ADAMTSL1: variants seen among roughly 807,000 people sequenced by gnomAD.
The protein encoded by ADAMTSL1 is ADAMTS like 1.
A neutral mutation model predicts 201.8 loss-of-function variants in ADAMTSL1; 126 were observed. The ratio of observed to expected loss-of-function variants is 0.62; its 90% CI spans 0.54 to 0.72. The LOEUF (loss-of-function observed/expected upper bound fraction) is 0.72. Among genes scored for constraint, ADAMTSL1 ranks in the 30% least tolerant of loss-of-function variants. ADAMTSL1 has a pLI of 0.00. For synonymous variants in ADAMTSL1, 1,121 were observed against 903.4 expected (o/e 1.24, Z -4.32); for missense variants, 2,679 against 2,277.8 (o/e 1.18, Z -3.59).
At chr9:18,890,789 C>T (rs976469208) in intron 25 of ADAMTSL1, 7 of 346,732 alleles carry the variant, frequency 2.0e-5, no homozygotes, top group Non-Finnish European at 4.0e-5. Flanking sequence ...GATGGAAATG[C>T]AGGCCTGACA....
chr9:18,296,217 C>T (rs183951970), intron 2 of ADAMTSL1, among the ~76,000 whole-genome samples: 1 of 152,066 alleles, frequency 6.6e-6, no homozygotes, highest in Non-Finnish European at 1.5e-5. Flanking sequence ...AAAAAGCAAA[C>T]AAACAAAACA....
At chr9:18,378,813 G>T (rs1227523435) in intron 2 of ADAMTSL1, among the ~76,000 whole-genome samples, 1 of 148,488 alleles carries the variant, frequency 6.7e-6, no homozygotes, top group Non-Finnish European at 1.5e-5. Context: ...GTAGTTTTTT[G>T]TTGTTGTTTG....
At chr9:18,491,669 A>G (rs1822278140) in intron 1 of ADAMTSL1, among the ~76,000 whole-genome samples, 1 of 152,234 alleles carries the variant, frequency 6.6e-6, no homozygotes. Flanking sequence ...TCCTTCCCAT[A>G]TATACAATAT....
intron 2 of ADAMTSL1, among the ~76,000 whole-genome samples, chr9:18,214,713 C>A (rs1427315152): frequency 6.6e-6 from 1 of 151,834 alleles, no homozygotes. Context: ...TCATAAAAAC[C>A]CAGAAGTATC....
At chr9:18,122,513 G>T (rs1227627038) in intron 1 of ADAMTSL1, among the ~76,000 whole-genome samples, 1 of 152,058 alleles carries the variant, frequency 6.6e-6, no homozygotes, top group East Asian at 1.9e-4. Flanking sequence ...TTTTTTAGCT[G>T]TTTATCATTT....
chr9:18,033,873 A>T (rs1171434674), intron 1 of ADAMTSL1, among the ~76,000 whole-genome samples: 1 of 152,174 alleles, frequency 6.6e-6, no homozygotes, highest in Non-Finnish European at 1.5e-5. Context: ...GTAGATGTCC[A>T]GTATATTTTT....
chr9:18,547,440 T>A (rs1587525759), intron 3 of ADAMTSL1, among the ~76,000 whole-genome samples: 1 of 151,424 alleles, frequency 6.6e-6, no homozygotes, highest in Non-Finnish European at 1.5e-5. Context: ...TGCAAGATGG[T>A]GAATAGTGCT....
intron 1 of ADAMTSL1, among the ~76,000 whole-genome samples, chr9:18,483,004 G>A (rs1400391280): frequency 6.6e-6 from 1 of 152,158 alleles, no homozygotes; most frequent in Non-Finnish European, 1.5e-5. Context: ...CTGTTATGAG[G>A]TTAATTGGCA....
At chr9:18,169,159 G>T (rs1268507584) in intron 2 of ADAMTSL1, among the ~76,000 whole-genome samples, 1 of 150,882 alleles carries the variant, frequency 6.6e-6, no homozygotes, top group Non-Finnish European at 1.5e-5. Flanking sequence ...TTTGGCTTTT[G>T]TTGCCATTGC....
At chr9:18,508,913 G>C (rs868336932) in intron 2 of ADAMTSL1, among the ~76,000 whole-genome samples, 1 of 142,130 alleles carries the variant, frequency 7.0e-6, no homozygotes, top group Non-Finnish European at 1.5e-5. Context: ...GGCCGGGCGC[G>C]GTGGCTCACG....
intron 2 of ADAMTSL1, among the ~76,000 whole-genome samples, chr9:18,280,618 A>T (rs746659076): frequency 6.6e-6 from 1 of 152,036 alleles, no homozygotes; most frequent in Admixed American, 6.6e-5. Context: ...TAAGTGCTCG[A>T]GTTTTGTACA....
At chr9:18,816,616 G>A (rs952582220) in intron 20 of ADAMTSL1, among the ~76,000 whole-genome samples, 15 of 151,320 alleles carry the variant, frequency 9.9e-5, no homozygotes, top group African/African-American at 3.2e-4. Flanking sequence ...AAAGGGCCCT[G>A]TAAAACATGA....
rs146123781 is a variant in ADAMTSL1, at chr9:18,892,826, T to C, written c.4851+230T>C. On this transcript the variant is annotated intron_variant, in intron 26 of 28. Coordinates refer to ENST00000380548, the MANE Select transcript of ADAMTSL1 (RefSeq NM_001040272.6). ...TGATTGAATGAATGTTTTTAGGCAG[T>C]CAGCAACTCAAAACATCTTATAATT... Among the ~76,000 whole-genome samples, 273 of 152,222 alleles carry C rather than the reference T, an allele frequency of 1.8e-3. 2 individuals carry two copies. The highest frequency in any genetic ancestry group is 6.3e-3 in the African/African-American group (263 of 41,532).
intron 1 of ADAMTSL1, among the ~76,000 whole-genome samples, chr9:18,503,419 G>GTATATATA (rs1206500089): frequency 2.9e-4 from 17 of 58,240 alleles, no homozygotes; most frequent in African/African-American, 9.8e-4. Context: ...GTATTCCATT[G>GTATATATA]TGTATATATA....
intron 1 of ADAMTSL1, among the ~76,000 whole-genome samples, chr9:18,134,815 A>C (rs902260863): frequency 1.3e-5 from 2 of 152,218 alleles, no homozygotes; most frequent in African/African-American, 2.4e-5. Flanking sequence ...TTTGTTGTGG[A>C]GACAGACTCT....
chr9:18,877,166 T>A (rs529055615), intron 23 of ADAMTSL1, among the ~76,000 whole-genome samples: 2 of 152,232 alleles, frequency 1.3e-5, no homozygotes, highest in Non-Finnish European at 2.9e-5. Context: ...TTTTGATTTC[T>A]CTAAGCTGGT....
intron 2 of ADAMTSL1, among the ~76,000 whole-genome samples, chr9:18,220,959 G>A (rs186129295): frequency 6.6e-6 from 1 of 151,996 alleles, no homozygotes; most frequent in Non-Finnish European, 1.5e-5. Context: ...ATTTTTTGTA[G>A]GGACAGGGTT....
intron 2 of ADAMTSL1, among the ~76,000 whole-genome samples, chr9:18,512,784 C>A (rs762731925): frequency 1.1e-4 from 17 of 152,106 alleles, no homozygotes; most frequent in Non-Finnish European, 2.2e-4. Flanking sequence ...TATATTAATG[C>A]TTTCTTTTCC....
intron 3 of ADAMTSL1, among the ~76,000 whole-genome samples, chr9:18,569,839 T>G (rs984590395): frequency 2.0e-5 from 3 of 152,130 alleles, no homozygotes; most frequent in African/African-American, 7.2e-5. Context: ...CAATTTAAAG[T>G]TTATTATTCT....
Sources: allele counts gnomAD v4.1 joint callset (sites outside exome capture counted in the v4.1 genomes callset), GRCh38; gene constraint gnomAD v4.1.1; transcripts MANE v1.5; gene names NCBI Gene and HGNC (gene_info 2026-07-23, HGNC 2026-07-21).